Variants in SORL1 observed in about 807,000 individuals in gnomAD.
SORL1 encodes sortilin related receptor 1, also known as sortilin-related receptor.
SORL1 carries 127 observed loss-of-function variants against 273.7 expected under a neutral mutation model. That is an observed-to-expected ratio of 0.46 (90% confidence interval 0.40 to 0.54). The LOEUF is 0.54. SORL1 is among the 20% of genes least tolerant of loss of function. SORL1 has a pLI of 0.00. For missense variants in SORL1, 2,494 were observed against 2,846.1 expected, an observed-to-expected ratio of 0.88 and a Z score of 2.81; for synonymous variants, 1,031 against 1,067.4, an observed-to-expected ratio of 0.97 and a Z score of 0.66.
chr11:121,502,385 C>T (rs896410408), intron 6 of SORL1, among the ~76,000 whole-genome samples: 4 of 152,086 alleles, frequency 2.6e-5, no homozygotes, highest in African/African-American at 9.7e-5. Flanking sequence ...ATCCACCCAC[C>T]TCGGACTCCC....
In SORL1 at chr11:121,510,917, G is replaced by A. The variant is rs546681841; in HGVS notation, c.940-2086G>A. 2.0e-5 allele frequency among the ~76,000 whole-genome samples: 3 copies of A among 152,128 alleles called. No homozygotes were observed. In the South Asian group the frequency reaches 6.2e-4, roughly 32 times the overall value. On this transcript the variant is annotated intron_variant, in intron 6 of 47. Transcript: ENST00000260197. ...TTACCTTATACCCATCTGTGCTGTT[G>A]GATATTTTCCATGAGTATGCTTTGC...
intron 3 of SORL1, among the ~76,000 whole-genome samples, chr11:121,485,881 C>T (rs1161626526): frequency 6.6e-6 from 1 of 152,188 alleles, no homozygotes; most frequent in African/African-American, 2.4e-5. Context: ...AATGAGGCTT[C>T]TGCAGAGTTT....
Position 121,564,681 on chromosome 11 carries a change from A to G in SORL1, c.3050-2259A>G, listed in dbSNP as rs79921966. 4.3e-3 allele frequency among the ~76,000 whole-genome samples: 654 copies of G among 151,648 alleles called. 21 individuals carry two copies. In the East Asian group the frequency reaches 0.1, roughly 23 times the overall value. The stretch of plus-strand genomic sequence containing the variant: ...AGCCTCTGTCTCCTGGGCTTAAGCA[A>G]TCTTCCCACTTCAGCCTCTGAAGTG... On this transcript the variant is annotated intron_variant, in intron 21 of 47. Coordinates refer to ENST00000260197, the MANE Select transcript of SORL1 (RefSeq NM_003105.6).
At chr11:121,618,563 A>G (rs1863672642) in intron 41 of SORL1, among the ~76,000 whole-genome samples, 1 of 152,234 alleles carries the variant, frequency 6.6e-6, no homozygotes, top group South Asian at 2.1e-4. Context: ...CTTTGAGGAC[A>G]GAGACCACAT....
Position 121,570,263 on chromosome 11 carries a change from A to G in SORL1, c.3330A>G (p.Arg1110=). The change falls in exon 23 of 48, where the codon AGA becomes AGG. Residue 1110 remains arginine, a synonymous_variant. Coordinates refer to ENST00000260197, the MANE Select transcript of SORL1 (RefSeq NM_003105.6). ...ACTGTGGAGACATGAGCGATGAGAG[A>G]AACTGCCGTGAGTCTTCTGGATTGG... ...DNDCGDMSDE[R]NCPTTICDLD... 2 of 1,610,680 alleles carry G rather than the reference A, an allele frequency of 1.2e-6. No homozygotes were observed. The highest frequency in any genetic ancestry group is 1.7e-6 in the Non-Finnish European group (2 of 1,176,996).
chr11:121,629,333 G>A (rs1051640972), intron 47 of SORL1, 163 bp from the exon 48 acceptor site: 2 of 557,402 alleles, frequency 3.6e-6, no homozygotes, highest in Admixed American at 3.4e-5. Flanking sequence ...ACAGTGGGAA[G>A]CTGGGCTAGG....
chr11:121,588,345 G>A (rs1863153036), intron 28 of SORL1, among the ~76,000 whole-genome samples, 194 bp downstream of exon 28: 1 of 152,178 alleles, frequency 6.6e-6, no homozygotes, highest in Non-Finnish European at 1.5e-5. Flanking sequence ...CCTTTTCTGA[G>A]AAAGACTTTC....
At chr11:121,538,565 A>G (rs562949960) in intron 12 of SORL1, among the ~76,000 whole-genome samples, 2 of 152,294 alleles carry the variant, frequency 1.3e-5, no homozygotes, top group Admixed American at 6.5e-5. Flanking sequence ...CAATCAATCA[A>G]TCAACAGGAC....
chr11:121,473,263 T>G (rs568384922), intron 2 of SORL1, among the ~76,000 whole-genome samples: 3 of 152,290 alleles, frequency 2.0e-5, no homozygotes, highest in African/African-American at 7.2e-5. Flanking sequence ...TGGGTGTTGG[T>G]GAGCGGCCAA....
intron 46 of SORL1, among the ~76,000 whole-genome samples, chr11:121,625,591 C>T (rs1365019825): frequency 1.3e-5 from 2 of 152,318 alleles, no homozygotes; most frequent in Non-Finnish European, 2.9e-5. Context: ...GACTTCTCAG[C>T]ACCTCTAACA....
In SORL1 at chr11:121,558,804, C is replaced by T. The variant is rs1862631336; in HGVS notation, c.2877C>T (p.Asn959=). 4 of 1,614,156 alleles carry T rather than the reference C, an allele frequency of 2.5e-6. No individual in the cohort carries two copies. Among genetic ancestry groups the T allele is most frequent in the African/African-American group, 2.7e-5 (2 of 75,024 alleles). The change falls in exon 20 of 48, where the codon AAC becomes AAT. Residue 959 remains asparagine (N), a synonymous_variant. Transcript: ENST00000260197. ...SGQQRSVILD[N]LPHPYAIAVF... is the part of the protein sequence containing the mutation. ...AGCAGCGCTCTGTCATTCTGGACAA[C>T]CTCCCGCACCCCTATGCCATTGCTG...
At chr11:121,483,989 C>T (rs1484761166) in intron 3 of SORL1, among the ~76,000 whole-genome samples, 1 of 152,034 alleles carries the variant, frequency 6.6e-6, no homozygotes, top group Non-Finnish European at 1.5e-5. Context: ...TCAGCAGAGA[C>T]TGCAAAGTGC....
intron 35 of SORL1, 73 bp from the exon 36 acceptor site, chr11:121,606,772 C>T: frequency 1.3e-6 from 1 of 785,498 alleles, no homozygotes; most frequent in Non-Finnish European, 2.1e-6. Context: ...TGTCCTTGTT[C>T]TAAGCCCAGG....
At chr11:121,475,798 A>C (rs1301628515) in intron 2 of SORL1, among the ~76,000 whole-genome samples, 2 of 152,178 alleles carry the variant, frequency 1.3e-5, no homozygotes, top group Non-Finnish European at 2.9e-5. Flanking sequence ...TGGGAATCTT[A>C]GTTTTTGTTT....
rs1180882202 is a variant in SORL1 at position 121,574,242 on chromosome 11, TACC to T, written c.3344_3346del (p.Thr1115del). The stretch of plus-strand genomic sequence containing the variant: ...TGTTGTCTTTCTATCCCATTTTAGC[TACC>T]ACCATCTGTGACCTGGACACCCAGT... On this transcript the variant is annotated inframe_deletion and splice_region_variant, in exon 24 of 48. Transcript: ENST00000260197. 6.2e-7 allele frequency: 1 copy of T among 1,613,766 alleles called. No homozygotes were observed. Among genetic ancestry groups the T allele is most frequent in the African/African-American group, 1.3e-5 (1 of 75,054 alleles).
chr11:121,533,128 T>C (rs1055534342), intron 12 of SORL1, among the ~76,000 whole-genome samples: 2 of 152,198 alleles, frequency 1.3e-5, no homozygotes, highest in African/African-American at 4.8e-5. Flanking sequence ...TTGCTTTGTG[T>C]CTTTATTACA....
intron 1 of SORL1, among the ~76,000 whole-genome samples, chr11:121,454,163 C>T (rs1183098282): frequency 6.6e-6 from 1 of 152,202 alleles, no homozygotes; most frequent in Non-Finnish European, 1.5e-5. Context: ...ACAGCGACAC[C>T]AGCATGGGGC....
At chr11:121,599,096 T>A (rs887308814) in intron 32 of SORL1, among the ~76,000 whole-genome samples, 1 of 152,254 alleles carries the variant, frequency 6.6e-6, no homozygotes, top group Non-Finnish European at 1.5e-5. Flanking sequence ...AAACTATTCC[T>A]GTTGGAACTC....
At chr11:121,593,685 A>C (rs1401000829) in intron 31 of SORL1, among the ~76,000 whole-genome samples, 1 of 152,030 alleles carries the variant, frequency 6.6e-6, no homozygotes, top group East Asian at 1.9e-4. Context: ...CGCAGTGGCC[A>C]AGGACACTGT....
Sources: allele counts gnomAD v4.1 joint callset (sites outside exome capture counted in the v4.1 genomes callset), GRCh38; gene constraint gnomAD v4.1.1; transcripts MANE v1.5; gene names NCBI Gene and HGNC (gene_info 2026-07-23, HGNC 2026-07-21).